Variants in ADGRB3 observed in about 807,000 individuals in gnomAD.
The protein encoded by ADGRB3 is adhesion G protein-coupled receptor B3.
In ADGRB3, 37 loss-of-function variants were observed where a neutral mutation model predicts 193.4. The observed-to-expected ratio is 0.19, with a 90% CI of 0.15 to 0.25. The LOEUF (loss-of-function observed/expected upper bound fraction) is 0.25. Among genes scored for constraint, ADGRB3 ranks in the 10% least tolerant of loss-of-function variants. The probability of loss-of-function intolerance (pLI) is 1.00; values close to 1 mark genes in which losing one functional copy is unlikely to be tolerated. For missense variants in ADGRB3, 1,637 were observed against 1,852.9 expected (o/e 0.88, Z 2.14); for synonymous variants, 690 against 644.2 (o/e 1.07, Z -1.08).
rs560450271 is a variant in ADGRB3, at chr6:68,677,665, G to A, written c.757+38233G>A. On this transcript the variant is annotated intron_variant, in intron 3 of 31. Coordinates refer to ENST00000370598, the MANE Select transcript of ADGRB3 (RefSeq NM_001704.3). Reference sequence around the variant, plus strand: ...CCTGAGTAGCTGGGACGACAGACGCGCACCAACACACTGGGCGAATTTTTG... The same window carrying A: ...CCTGAGTAGCTGGGACGACAGACGCACACCAACACACTGGGCGAATTTTTG... 8.6e-5 allele frequency among the ~76,000 whole-genome samples: 13 copies of A among 151,744 alleles called. No individual in the cohort carries two copies. In the East Asian group the frequency reaches 1.6e-3, roughly 18 times the overall value.
In ADGRB3 at chr6:69,072,221, T is replaced by C. The variant is rs183686668; in HGVS notation, c.2437-3774T>C. ...ATTGGTGACTATACTAGAATAAATG[T>C]TTATTGTATACATCCCAGAATGTGT... is the stretch of plus-strand genomic sequence containing the variant. On this transcript the variant is annotated intron_variant, in intron 16 of 31. Coordinates refer to ENST00000370598, the MANE Select transcript of ADGRB3 (RefSeq NM_001704.3). Among the ~76,000 whole-genome samples the C allele has an allele frequency of 3.1e-3, 476 of 152,244 alleles. 1 individual carries two copies. The highest frequency in any genetic ancestry group is 0.011 in the African/African-American group (444 of 41,566).
chr6:68,695,597 A>T (rs1053490358), intron 3 of ADGRB3, among the ~76,000 whole-genome samples: 4 of 152,074 alleles, frequency 2.6e-5, no homozygotes, highest in African/African-American at 9.6e-5. Context: ...GGATTGTGTG[A>T]CATTTCCTCG....
intron 31 of ADGRB3, among the ~76,000 whole-genome samples, chr6:69,384,533 C>G (rs190618291): frequency 6.6e-6 from 1 of 152,006 alleles, no homozygotes; most frequent in East Asian, 1.9e-4. Flanking sequence ...GCAACAGATA[C>G]AGCTGGCTAA....
chr6:69,048,111 T>G, intron 13 of ADGRB3, 74 bp from the exon 14 acceptor site: 1 of 1,441,016 alleles, frequency 6.9e-7, no homozygotes, highest in East Asian at 2.3e-5. Context: ...TACTGCAAGA[T>G]TTACCTTGAT....
chr6:69,388,581 A>T, intron 31 of ADGRB3, 122 bp from the exon 32 acceptor site: 1 of 918,504 alleles, frequency 1.1e-6, no homozygotes, highest in Non-Finnish European at 1.6e-6. Flanking sequence ...CCGTATTTTC[A>T]AGTCATCTCT....
intron 3 of ADGRB3, among the ~76,000 whole-genome samples, chr6:68,772,894 A>AATAT (rs1208790675): frequency 2.9e-3 from 66 of 22,792 alleles, no homozygotes; most frequent in East Asian, 6.3e-3. Flanking sequence ...AAAAAAAAAA[A>AATAT]ATATATATAT....
At chr6:69,303,262 A>G (rs910552327) in intron 20 of ADGRB3, among the ~76,000 whole-genome samples, 4 of 151,848 alleles carry the variant, frequency 2.6e-5, no homozygotes, top group Non-Finnish European at 5.9e-5. Context: ...CTGGTGCTGT[A>G]TAGGAACATT....
intron 20 of ADGRB3, among the ~76,000 whole-genome samples, chr6:69,256,196 G>T (rs985017492): frequency 2.7e-5 from 4 of 150,906 alleles, no homozygotes; most frequent in Admixed American, 1.3e-4. Context: ...GCTCTTTTTT[G>T]GTTCCATATG....
At chr6:69,013,873 T>C (rs41273639) in intron 11 of ADGRB3, among the ~76,000 whole-genome samples, 165 bp from the exon 12 acceptor site, 1 of 152,166 alleles carries the variant, frequency 6.6e-6, no homozygotes, top group Non-Finnish European at 1.5e-5. Context: ...AGAATTACGG[T>C]TCTGTAAAAG....
chr6:69,361,215 T>C lies in ADGRB3; in HGVS notation c.3942T>C (p.Ser1314=). 2 of 1,612,676 alleles carry C rather than the reference T, an allele frequency of 1.2e-6. No homozygotes were observed. Among genetic ancestry groups the C allele is most frequent in the Non-Finnish European group, 8.5e-7 (1 of 1,179,264 alleles). The change falls in exon 29 of 32, where the codon AGT becomes AGC. Residue 1314 remains serine (S), a synonymous_variant. Coordinates refer to ENST00000370598, the MANE Select transcript of ADGRB3 (RefSeq NM_001704.3). ...MESDYIVMPR[S]SVNNQPSMKE... ...GTGACTATATTGTGATGCCCAGAAG[T>C]TCTGTAAATAACCAGCCTTCAATGA...
chr6:68,894,106 A>AT (rs1481841369), intron 3 of ADGRB3, among the ~76,000 whole-genome samples: 1 of 151,954 alleles, frequency 6.6e-6, no homozygotes, highest in African/African-American at 2.4e-5. Context: ...ATGAAATAAC[A>AT]TTTATTTCAA....
intron 11 of ADGRB3, among the ~76,000 whole-genome samples, chr6:69,012,286 G>A (rs926620891): frequency 4.0e-5 from 6 of 151,892 alleles, no homozygotes; most frequent in African/African-American, 1.5e-4. Flanking sequence ...GGTGTCTCTT[G>A]TTAGCAGCAG....
At chr6:69,332,256 C>T (rs1768747990) in intron 23 of ADGRB3, 1 of 985,128 alleles carries the variant, frequency 1.0e-6, no homozygotes, top group East Asian at 1.1e-4. Flanking sequence ...TGCAAAAGAC[C>T]TTTTAAGTGA....
At chr6:69,126,521 A>G (rs944332530) in intron 17 of ADGRB3, among the ~76,000 whole-genome samples, 1 of 152,158 alleles carries the variant, frequency 6.6e-6, no homozygotes, top group Non-Finnish European at 1.5e-5. Flanking sequence ...TCAAGTTCTG[A>G]TATCTGAGGG....
intron 13 of ADGRB3, among the ~76,000 whole-genome samples, chr6:69,028,774 T>G (rs1770517701): frequency 6.6e-6 from 1 of 152,198 alleles, no homozygotes; most frequent in Non-Finnish European, 1.5e-5. Context: ...TGCCAATTTC[T>G]AGCCTTAAAC....
chr6:69,319,045 G>A (rs960569400), intron 20 of ADGRB3, among the ~76,000 whole-genome samples: 7 of 150,646 alleles, frequency 4.6e-5, no homozygotes, highest in African/African-American at 9.7e-5. Flanking sequence ...GTTAATTTCC[G>A]ATTTTATCTT....
intron 10 of ADGRB3, among the ~76,000 whole-genome samples, chr6:68,989,645 C>A (rs1404108321): frequency 6.6e-6 from 1 of 152,006 alleles, no homozygotes; most frequent in Admixed American, 6.6e-5. Flanking sequence ...ATGAAATAAT[C>A]CTAGGAGAGA....
At chr6:69,049,921 C>G (rs1771344040) in intron 15 of ADGRB3, among the ~76,000 whole-genome samples, 2 of 151,998 alleles carry the variant, frequency 1.3e-5, no homozygotes, top group African/African-American at 4.8e-5. Flanking sequence ...GTAATTCTAC[C>G]AAAACTAACT....
At chr6:68,740,910 T>C (rs936503972) in intron 3 of ADGRB3, among the ~76,000 whole-genome samples, 3 of 152,176 alleles carry the variant, frequency 2.0e-5, no homozygotes, top group African/African-American at 7.2e-5. Context: ...GCCATGTCAG[T>C]CTTCTGTATG....
Sources: gnomAD v4.1 joint callset for allele counts (sites outside exome capture counted in the v4.1 genomes callset) on GRCh38, gnomAD v4.1.1 for gene constraint, MANE v1.5 for transcripts, NCBI Gene and HGNC (gene_info 2026-07-23, HGNC 2026-07-21) for gene names.